Variants in HYCC1 observed in about 807,000 individuals in gnomAD.
The protein encoded by HYCC1 is hyccin PI4KA lipid kinase complex subunit 1, also known as hyccin.
the HYCC1 span, among the ~76,000 whole-genome samples, chr7:23,001,581 G>A: frequency 6.6e-6 from 1 of 152,130 alleles, no homozygotes; most frequent in Non-Finnish European, 1.5e-5. Flanking sequence ...TTGGCAGCCA[G>A]GTTGAGAACT....
the HYCC1 span, among the ~76,000 whole-genome samples, chr7:22,909,501 C>T: frequency 2.0e-5 from 3 of 152,160 alleles, no homozygotes; most frequent in Admixed American, 6.5e-5. Flanking sequence ...CACCACTCCA[C>T]GCATGTCTTC....
chr7:22,971,764 A>G, the HYCC1 span, among the ~76,000 whole-genome samples: 1 of 151,914 alleles, frequency 6.6e-6, no homozygotes, highest in Admixed American at 6.6e-5. Flanking sequence ...AGAAAAGAGA[A>G]AGTGGAAGAA....
At chr7:22,947,142 C>G in the HYCC1 span, 1 of 1,550,438 alleles carries the variant, frequency 6.4e-7, no homozygotes, top group Non-Finnish European at 8.7e-7. Context: ...TAGTGTTCTG[C>G]CTTTTTCCCC....
At chr7:22,984,614 C>T in the HYCC1 span, among the ~76,000 whole-genome samples, 2 of 151,978 alleles carry the variant, frequency 1.3e-5, no homozygotes, top group Non-Finnish European at 2.9e-5. Context: ...CTTGGCTACT[C>T]GAGAAGCTAA....
the HYCC1 span, among the ~76,000 whole-genome samples, chr7:22,919,429 T>C: frequency 6.6e-6 from 1 of 152,062 alleles, no homozygotes; most frequent in Non-Finnish European, 1.5e-5. Context: ...CTCAGAAGGC[T>C]GAGGCAGAAG....
the HYCC1 span, among the ~76,000 whole-genome samples, chr7:22,931,618 G>A: frequency 6.6e-6 from 1 of 152,132 alleles, no homozygotes; most frequent in African/African-American, 2.4e-5. Flanking sequence ...TTTGGTGAGG[G>A]CTCAAAGGAA....
chr7:22,941,985 A>G, the HYCC1 span: 1 of 152,170 alleles, frequency 6.6e-6, no homozygotes, highest in Non-Finnish European at 1.5e-5. Context: ...TTCAACATGT[A>G]TATATTTCCT....
the HYCC1 span, among the ~76,000 whole-genome samples, chr7:22,964,702 G>A: frequency 6.6e-6 from 1 of 152,138 alleles, no homozygotes; most frequent in Non-Finnish European, 1.5e-5. Flanking sequence ...TCCTGAGTAA[G>A]TTATACCAGG....
chr7:22,937,199 A>G, the HYCC1 span: 1 of 152,206 alleles, frequency 6.6e-6, no homozygotes, highest in African/African-American at 2.4e-5. Flanking sequence ...TGTTGGCTAA[A>G]TGAAGAGAGT....
chr7:22,975,153 T>G, the HYCC1 span, among the ~76,000 whole-genome samples: 4 of 152,234 alleles, frequency 2.6e-5, no homozygotes, highest in South Asian at 8.3e-4. Context: ...TCCTTAGTTC[T>G]ATAATATCTC....
At chr7:23,011,670 C>T in the HYCC1 span, among the ~76,000 whole-genome samples, 16 of 152,190 alleles carry the variant, frequency 1.1e-4, no homozygotes, top group Non-Finnish European at 1.5e-4. Context: ...TTCCTACTAA[C>T]CCCTGCATTC....
At chr7:22,945,719 T>C in the HYCC1 span, 3 of 1,613,806 alleles carry the variant, frequency 1.9e-6, no homozygotes, top group East Asian at 2.2e-5. Context: ...GGAAAACCTA[T>C]TGGCATCTGT....
chr7:22,996,388 T>G, the HYCC1 span, among the ~76,000 whole-genome samples: 1 of 151,746 alleles, frequency 6.6e-6, no homozygotes, highest in African/African-American at 2.4e-5. Flanking sequence ...TGGAATTCTA[T>G]AAAGTATAGG....
the HYCC1 span, among the ~76,000 whole-genome samples, chr7:23,002,177 C>CACAATTATATATATATATAT: frequency 3.0e-5 from 2 of 66,960 alleles, no homozygotes; most frequent in Admixed American, 1.6e-4. Context: ...TATATATATA[C>CACAATTATATATATATATAT]ATATAGTTTG....
the HYCC1 span, among the ~76,000 whole-genome samples, chr7:22,953,002 C>T: frequency 1.3e-5 from 2 of 152,074 alleles, no homozygotes; most frequent in Non-Finnish European, 2.9e-5. Flanking sequence ...GAGCTATCAG[C>T]AGTTTCCATA....
chr7:23,013,985 G>A, the HYCC1 span: 6 of 470,932 alleles, frequency 1.3e-5, no homozygotes, highest in Non-Finnish European at 2.6e-5. Flanking sequence ...CAGCGACAGC[G>A]ACGGAGGCTG....
chr7:22,992,286 G>GTCAT, the HYCC1 span, among the ~76,000 whole-genome samples: 47 of 151,972 alleles, frequency 3.1e-4, no homozygotes, highest in African/African-American at 9.2e-4. Flanking sequence ...ACATTTTTTG[G>GTCAT]TCATTCATTC....
the HYCC1 span, among the ~76,000 whole-genome samples, chr7:22,985,919 T>C: frequency 1.0e-4 from 15 of 150,194 alleles, no homozygotes; most frequent in African/African-American, 3.4e-4. Context: ...TACATGTCTA[T>C]GTATACTGTG....
At chr7:22,926,903 C>T in the HYCC1 span, among the ~76,000 whole-genome samples, 2 of 151,620 alleles carry the variant, frequency 1.3e-5, no homozygotes, top group African/African-American at 2.4e-5. Context: ...CCACACCACA[C>T]CTACTCCAAA....
Sources: allele counts gnomAD v4.1 joint callset (sites outside exome capture counted in the v4.1 genomes callset), GRCh38; gene constraint gnomAD v4.1.1; transcripts MANE v1.5; gene names NCBI Gene and HGNC (gene_info 2026-07-23, HGNC 2026-07-21).